The following RAB3C variants were observed in gnomAD, a reference collection of about 807,000 sequenced individuals.
The protein encoded by RAB3C is RAB3C, member RAS oncogene family.
In RAB3C, 17 loss-of-function variants were observed where a neutral mutation model predicts 26.4. That is an observed-to-expected ratio of 0.64 (90% CI 0.44 to 0.97). RAB3C has a LOEUF of 0.97. Among genes scored for constraint, RAB3C ranks in the 50% least tolerant of loss-of-function variants. The pLI is 0.00. For missense variants in RAB3C, 242 were observed against 281.9 expected, an observed-to-expected ratio of 0.86 and a Z score of 1.01; for synonymous variants, 91 against 95.9, an observed-to-expected ratio of 0.95 and a Z score of 0.30.
At chr5:58,809,700 C>T (rs542416245) in intron 3 of RAB3C, among the ~76,000 whole-genome samples, 1 of 152,198 alleles carries the variant, frequency 6.6e-6, no homozygotes, top group African/African-American at 2.4e-5. Flanking sequence ...TGACACACAC[C>T]ACTGTGGGAT....
At chr5:58,586,964 A>G (rs1050824984) in intron 1 of RAB3C, among the ~76,000 whole-genome samples, 1 of 152,166 alleles carries the variant, frequency 6.6e-6, no homozygotes, top group African/African-American at 2.4e-5. Flanking sequence ...ATCCATCCTC[A>G]GTGATCATCC....
intron 3 of RAB3C, among the ~76,000 whole-genome samples, chr5:58,744,352 C>T (rs1284807302): frequency 6.6e-6 from 1 of 152,206 alleles, no homozygotes; most frequent in African/African-American, 2.4e-5. Context: ...CCTTGACTAT[C>T]TTATTAATGG....
chr5:58,747,458 C>T (rs1218984724), intron 3 of RAB3C, among the ~76,000 whole-genome samples: 1 of 152,142 alleles, frequency 6.6e-6, no homozygotes, highest in African/African-American at 2.4e-5. Context: ...TGAAAGCACT[C>T]ACATTCTAAC....
intron 2 of RAB3C, among the ~76,000 whole-genome samples, chr5:58,627,884 G>T (rs1182348073): frequency 6.6e-6 from 1 of 152,114 alleles, no homozygotes; most frequent in Non-Finnish European, 1.5e-5. Flanking sequence ...GGGGCCAGGC[G>T]CAAAGGCTCA....
chr5:58,719,593 C>T (rs1262132497), intron 2 of RAB3C, among the ~76,000 whole-genome samples: 1 of 151,928 alleles, frequency 6.6e-6, no homozygotes, highest in South Asian at 2.1e-4. Flanking sequence ...TTTATTGTCT[C>T]ACAGTTCCAG....
intron 4 of RAB3C, among the ~76,000 whole-genome samples, chr5:58,835,538 C>G (rs1406198567): frequency 6.6e-6 from 1 of 152,190 alleles, no homozygotes; most frequent in Admixed American, 6.5e-5. Context: ...ACAAAATTGT[C>G]TAGCCCTCAT....
chr5:58,666,351 C>T (rs1748001006), intron 2 of RAB3C, among the ~76,000 whole-genome samples: 1 of 152,122 alleles, frequency 6.6e-6, no homozygotes, highest in South Asian at 2.1e-4. Context: ...CAAGCTATTA[C>T]TCTGTATGAG....
intron 3 of RAB3C, among the ~76,000 whole-genome samples, chr5:58,805,736 A>G (rs755673424): frequency 2.0e-5 from 3 of 152,124 alleles, no homozygotes; most frequent in Admixed American, 6.6e-5. Flanking sequence ...GAGGAGTAGC[A>G]TGAAATATTC....
rs187600379 is a variant in RAB3C at position 58,788,912 on chromosome 5, T to C, written c.372-36126T>C. On this transcript the variant is annotated intron_variant, in intron 3 of 4. Transcript: ENST00000282878. ...TGGCTTAATGCCTGTCAAGGTTTTG[T>C]GAAATATCTGCAAAACCAGATGATA... Among the ~76,000 whole-genome samples the C allele has an allele frequency of 3.9e-5, 6 of 152,292 alleles. No homozygotes were observed. The East Asian group carries it at 1.2e-3, about 29-fold the overall frequency.
intron 1 of RAB3C, among the ~76,000 whole-genome samples, chr5:58,604,168 G>T (rs1746512477): frequency 6.6e-6 from 1 of 152,164 alleles, no homozygotes; most frequent in Non-Finnish European, 1.5e-5. Context: ...AACCATCTGT[G>T]GGTCTCTCAG....
chr5:58,664,448 A>T (rs1333655683), intron 2 of RAB3C, among the ~76,000 whole-genome samples: 1 of 152,182 alleles, frequency 6.6e-6, no homozygotes, highest in Non-Finnish European at 1.5e-5. Flanking sequence ...ACCATTTCAG[A>T]ATAGCGGTTG....
chr5:58,639,558 C>A (rs541681663), intron 2 of RAB3C, among the ~76,000 whole-genome samples: 66 of 152,196 alleles, frequency 4.3e-4, no homozygotes, highest in African/African-American at 1.6e-3. Context: ...CTTTTAAGGA[C>A]AATAATCTCA....
At chr5:58,605,329 C>T (rs1746536733) in intron 1 of RAB3C, among the ~76,000 whole-genome samples, 1 of 152,084 alleles carries the variant, frequency 6.6e-6, no homozygotes, top group Non-Finnish European at 1.5e-5. Flanking sequence ...TCCCATGCAC[C>T]ATGATTATCT....
In RAB3C at chr5:58,583,124, A is replaced by C; in HGVS notation, c.-85A>C. ...CGAACCCCAAGAGTGCAGAGTGTGG[A>C]GCGTGGAGCGCCGGGACTGTGCACG... On this transcript the variant is annotated 5_prime_UTR_variant, in exon 1 of 5. Transcript: ENST00000282878. The C allele has an allele frequency of 6.2e-7, 1 of 1,607,082 alleles. No individual in the cohort carries two copies. Among genetic ancestry groups the C allele is most frequent in the Non-Finnish European group, 8.5e-7 (1 of 1,177,432 alleles).
intron 2 of RAB3C, among the ~76,000 whole-genome samples, chr5:58,684,572 T>A (rs1018781593): frequency 2.6e-5 from 4 of 151,906 alleles, no homozygotes; most frequent in South Asian, 2.1e-4. Context: ...CTGACCCCCA[T>A]ATCCACACTG....
At chr5:58,719,250 G>C (rs1740683986) in intron 2 of RAB3C, among the ~76,000 whole-genome samples, 1 of 152,020 alleles carries the variant, frequency 6.6e-6, no homozygotes. Context: ...TAGATATCTA[G>C]TTTTTAAAGT....
chr5:58,806,218 A>G (rs1242019826), intron 3 of RAB3C, among the ~76,000 whole-genome samples: 1 of 152,168 alleles, frequency 6.6e-6, no homozygotes, highest in Non-Finnish European at 1.5e-5. Flanking sequence ...TCCTTATTTT[A>G]CTAAACAGTA....
At chr5:58,838,935 CT>C (rs1430828582) in intron 4 of RAB3C, among the ~76,000 whole-genome samples, 1 of 151,842 alleles carries the variant, frequency 6.6e-6, no homozygotes, top group African/African-American at 2.4e-5. Context: ...CTGACTCAAT[CT>C]TTTTATTATT....
intron 3 of RAB3C, among the ~76,000 whole-genome samples, chr5:58,767,270 A>C (rs1741927819): frequency 6.6e-6 from 1 of 152,224 alleles, no homozygotes; most frequent in South Asian, 2.1e-4. Flanking sequence ...AAATTTGGCC[A>C]AAGTAATTCA....
Sources: allele counts gnomAD v4.1 joint callset (sites outside exome capture counted in the v4.1 genomes callset), GRCh38; gene constraint gnomAD v4.1.1; transcripts MANE v1.5; gene names NCBI Gene and HGNC (gene_info 2026-07-23, HGNC 2026-07-21).